The following DCC variants were observed in gnomAD, a reference collection of about 807,000 sequenced individuals.
The protein encoded by DCC is netrin receptor DCC.
A neutral mutation model predicts 172.5 loss-of-function variants in DCC; 58 were observed. The ratio of observed to expected loss-of-function variants is 0.34; its 90% CI spans 0.27 to 0.42. The LOEUF (loss-of-function observed/expected upper bound fraction) is 0.42. DCC is among the 10% of genes least tolerant of loss of function. The pLI is 1.00. For synonymous variants in DCC, 709 were observed against 644.5 expected (o/e 1.10, Z -1.52); for missense variants, 1,740 against 1,791.0 (o/e 0.97, Z 0.51).
chr18:53,148,580 A>G (rs1568331948), intron 7 of DCC, among the ~76,000 whole-genome samples: 2 of 152,184 alleles, frequency 1.3e-5, no homozygotes. Context: ...AGGTGGCCTC[A>G]CAAAGCCTTG....
At chr18:53,273,647 C>G (rs1282141878) in intron 12 of DCC, among the ~76,000 whole-genome samples, 1 of 151,848 alleles carries the variant, frequency 6.6e-6, no homozygotes, top group East Asian at 1.9e-4. Flanking sequence ...CAATGGGTTT[C>G]CATGCCATTG....
intron 1 of DCC, among the ~76,000 whole-genome samples, chr18:52,710,742 T>C (rs750912931): frequency 1.3e-5 from 2 of 152,248 alleles, no homozygotes; most frequent in African/African-American, 4.8e-5. Context: ...AGGGAATTTT[T>C]GTAAGAGATT....
intron 12 of DCC, among the ~76,000 whole-genome samples, chr18:53,294,547 G>A (rs746440382): frequency 6.6e-6 from 1 of 152,204 alleles, no homozygotes; most frequent in Non-Finnish European, 1.5e-5. Flanking sequence ...ATTTTGGAAG[G>A]GAAGTCTGCC....
chr18:53,374,394 C>T (rs931139679), intron 15 of DCC, among the ~76,000 whole-genome samples: 2 of 152,014 alleles, frequency 1.3e-5, no homozygotes, highest in African/African-American at 2.4e-5. Flanking sequence ...AGATGACATC[C>T]AAGATTTTAA....
intron 21 of DCC, among the ~76,000 whole-genome samples, chr18:53,426,464 T>C (rs1402781920): frequency 8.6e-6 from 1 of 116,320 alleles, no homozygotes; most frequent in East Asian, 2.1e-4. Context: ...AATATATATT[T>C]ATTATATATA....
At chr18:52,822,777 T>C (rs1896382124) in intron 2 of DCC, among the ~76,000 whole-genome samples, 1 of 152,210 alleles carries the variant, frequency 6.6e-6, no homozygotes, top group South Asian at 2.1e-4. Context: ...GTGGTGGAGA[T>C]ACAATTTTTT....
intron 27 of DCC, among the ~76,000 whole-genome samples, chr18:53,505,480 T>G (rs1475237964): frequency 6.6e-6 from 1 of 151,872 alleles, no homozygotes; most frequent in Non-Finnish European, 1.5e-5. Context: ...TGCAAAAACT[T>G]CTTTTGGGGA....
intron 18 of DCC, among the ~76,000 whole-genome samples, chr18:53,399,401 A>T (rs940799147): frequency 6.6e-6 from 1 of 152,142 alleles, no homozygotes; most frequent in Non-Finnish European, 1.5e-5. Flanking sequence ...TATTGCTACC[A>T]AGCTTTCATG....
At chr18:52,530,184 C>T (rs1005457416) in intron 1 of DCC, among the ~76,000 whole-genome samples, 1 of 152,158 alleles carries the variant, frequency 6.6e-6, no homozygotes, top group African/African-American at 2.4e-5. Context: ...CTTGCACCAA[C>T]TCTATTAAGT....
intron 1 of DCC, among the ~76,000 whole-genome samples, chr18:52,645,547 GT>G (rs754228299): frequency 2.0e-5 from 3 of 152,232 alleles, no homozygotes; most frequent in South Asian, 2.1e-4. Flanking sequence ...AAGTCTTGGA[GT>G]AAAAGCTTGT....
intron 12 of DCC, among the ~76,000 whole-genome samples, chr18:53,218,507 A>G (rs939169521): frequency 2.0e-5 from 3 of 152,140 alleles, no homozygotes; most frequent in African/African-American, 7.2e-5. Context: ...TCATTCTTGA[A>G]AACCCAGTAT....
intron 1 of DCC, among the ~76,000 whole-genome samples, chr18:52,515,544 T>TTGCAGTGAGCC (rs1458362228): frequency 2.3e-5 from 3 of 132,776 alleles, no homozygotes; most frequent in Non-Finnish European, 3.1e-5. Context: ...GAGGCTGAGC[T>TTGCAGTGAGCC]TGCAGTGAGC....
At chr18:52,914,579 A>AT (rs1438276537) in intron 3 of DCC, among the ~76,000 whole-genome samples, 1 of 152,078 alleles carries the variant, frequency 6.6e-6, no homozygotes, top group South Asian at 2.1e-4. Context: ...GGAAGTTTTC[A>AT]TTTTTTTATT....
rs775002475 is a variant in DCC, at chr18:52,427,843, C to CCTTT, written c.91+86968_91+86969insTCTT. 2.1e-3 allele frequency among the ~76,000 whole-genome samples: 103 copies of CCTTT among 49,226 alleles called. 6 individuals carry two copies. Among genetic ancestry groups the CCTTT allele is most frequent in the African/African-American group, 8.0e-3 (90 of 11,312 alleles). The allele number at this position is 49,226 out of a possible 152,430, so 32.3% of individuals were successfully genotyped here. ...TCCTTCCTTCCTTCCTTTCTTCCTT[C>CCTTT]CTTCCTTCCTTCCTTCCTTCCTTCC... On this transcript the variant is annotated intron_variant, in intron 1 of 28. Transcript: ENST00000442544.
intron 19 of DCC, among the ~76,000 whole-genome samples, chr18:53,406,709 AAAAAAAAGAAAG>A (rs1298844766): frequency 8.4e-6 from 1 of 118,690 alleles, no homozygotes; most frequent in Non-Finnish European, 2.1e-5. Context: ...GTCTCAAAAA[AAAAAAAAGAAAG>A]AAAGAAAAAA....
At chr18:53,181,479 C>CGTT (rs2055195953) in intron 9 of DCC, among the ~76,000 whole-genome samples, 1 of 147,222 alleles carries the variant, frequency 6.8e-6, no homozygotes, top group Non-Finnish European at 1.5e-5. Flanking sequence ...GTTTTTGACA[C>CGTT]TGGCTAAGAA....
At chr18:53,193,465 T>G (rs2144517811) in intron 9 of DCC, among the ~76,000 whole-genome samples, 1 of 150,176 alleles carries the variant, frequency 6.7e-6, no homozygotes, top group African/African-American at 2.5e-5. Flanking sequence ...CACAACAAAC[T>G]TATCTGGTAA....
At chr18:52,398,125 G>A (rs1366291483) in intron 1 of DCC, among the ~76,000 whole-genome samples, 4 of 151,810 alleles carry the variant, frequency 2.6e-5, no homozygotes, top group African/African-American at 9.7e-5. Context: ...AACTTTGACG[G>A]TACATACATT....
chr18:52,954,586 A>G (rs572374371), intron 5 of DCC, among the ~76,000 whole-genome samples: 38 of 152,308 alleles, frequency 2.5e-4, no homozygotes, highest in African/African-American at 8.2e-4. Flanking sequence ...GAAAGGTCTT[A>G]TGGTTCTGCA....
Sources: gnomAD v4.1 joint callset for allele counts (sites outside exome capture counted in the v4.1 genomes callset) on GRCh38, gnomAD v4.1.1 for gene constraint, MANE v1.5 for transcripts, NCBI Gene and HGNC (gene_info 2026-07-23, HGNC 2026-07-21) for gene names.